The following EFCC1 variants were observed in gnomAD, a reference collection of about 807,000 sequenced individuals.
The protein encoded by EFCC1 is EF-hand and coiled-coil domain-containing protein 1.
In EFCC1, 50 loss-of-function variants were observed where a neutral mutation model predicts 52.1. The ratio of observed to expected loss-of-function variants is 0.96; its 90% CI spans 0.76 to 1.21. The LOEUF is 1.21. Ranked by LOEUF, EFCC1 falls within the 50% of genes most tolerant of loss-of-function variation. The pLI, the probability that EFCC1 is intolerant of heterozygous loss-of-function variation, is 0.00. For synonymous variants in EFCC1, 399 were observed against 396.5 expected, an observed-to-expected ratio of 1.01 and a Z score of -0.08; for missense variants, 837 against 867.3, an observed-to-expected ratio of 0.97 and a Z score of 0.44.
chr3:129,030,499 T>C (rs1238112645), intron 2 of EFCC1: 2 of 459,692 alleles, frequency 4.4e-6, no homozygotes, highest in Non-Finnish European at 7.0e-6. Flanking sequence ...TTGAGTCCCA[T>C]TGGCTAAAAC....
chr3:129,005,424 C>T (rs1945029186), intron 2 of EFCC1, among the ~76,000 whole-genome samples: 1 of 152,244 alleles, frequency 6.6e-6, no homozygotes, highest in Non-Finnish European at 1.5e-5. Context: ...AGGGGTAGAG[C>T]TGAAGGGAGG....
Position 129,014,153 on chromosome 3 carries a change from GC to G in EFCC1, c.980+10079del, listed in dbSNP as rs1477734841. Among the ~76,000 whole-genome samples, 3 of 152,250 alleles carry G rather than the reference GC, an allele frequency of 2.0e-5. No individual in the cohort carries two copies. Among genetic ancestry groups the G allele is most frequent in the African/African-American group, 7.2e-5 (3 of 41,466 alleles). On this transcript the variant is annotated intron_variant, in intron 2 of 7. Coordinates refer to ENST00000683648, the MANE Select transcript of EFCC1 (RefSeq NM_001377500.1). The surrounding 1 kb of genome is among the most constrained non-coding windows in gnomAD (Gnocchi z 4.3). ...AAATTCTGTCAAGTGCCTAGAGAGG[GC>G]CCATGCTGTCCTGGGCATGAGGGAG...
rs190587344 is a variant in EFCC1, at chr3:129,009,108, C to T, written c.980+5031C>T. 2.6e-5 allele frequency among the ~76,000 whole-genome samples: 4 copies of T among 152,290 alleles called. No homozygotes were observed. In the East Asian group the frequency reaches 7.7e-4, roughly 29 times the overall value. Reference sequence around the variant, plus strand: ...AAAATGTCATTCAATCCCTGCCCAACCAAGGTGTTTCAGTGGCACTTCTCC... The same window carrying T: ...AAAATGTCATTCAATCCCTGCCCAATCAAGGTGTTTCAGTGGCACTTCTCC... On this transcript the variant is annotated intron_variant, in intron 2 of 7. Transcript: ENST00000683648.
intron 2 of EFCC1, among the ~76,000 whole-genome samples, chr3:129,009,935 A>G (rs144238008): frequency 4.6e-4 from 70 of 152,280 alleles, no homozygotes; most frequent in African/African-American, 1.6e-3. Context: ...GTGGACAGAA[A>G]AAGATTGTTA....
At chr3:129,013,612 A>G (rs1266842077) in intron 2 of EFCC1, among the ~76,000 whole-genome samples, 1 of 152,182 alleles carries the variant, frequency 6.6e-6, no homozygotes, top group Non-Finnish European at 1.5e-5. Context: ...CTTTCCCAGT[A>G]GTTCCAACAT....
At position 129,014,411 on chromosome 3, in the gene EFCC1, T is replaced by C. The variant is rs899534133; in HGVS notation, c.980+10334T>C. 1.3e-5 allele frequency among the ~76,000 whole-genome samples: 2 copies of C among 152,204 alleles called. No individual in the cohort carries two copies. Among genetic ancestry groups the C allele is most frequent in the Non-Finnish European group, 2.9e-5 (2 of 68,038 alleles). On this transcript the variant is annotated intron_variant, in intron 2 of 7. Coordinates refer to ENST00000683648, the MANE Select transcript of EFCC1 (RefSeq NM_001377500.1). This position sits in a 1 kb window ranked among gnomAD's most constrained non-coding sequence, Gnocchi z 4.3. ...CGCAGCGTTGGCTTCTCCTGCGGCCTCTCTCCTGGGCTGGCAGCCAGGGCC... is the reference window on the plus strand; with the variant it reads ...CGCAGCGTTGGCTTCTCCTGCGGCCCCTCTCCTGGGCTGGCAGCCAGGGCC...
intron 6 of EFCC1, among the ~76,000 whole-genome samples, chr3:129,037,572 A>C (rs997631873): frequency 6.6e-6 from 1 of 152,242 alleles, no homozygotes; most frequent in Non-Finnish European, 1.5e-5. Context: ...CACATTGCAG[A>C]TTAAAGGAGA....
rs1390097030 is a variant in EFCC1, at chr3:129,001,669, G to T, written c.41G>T (p.Gly14Val). ...VSTGAEAGME[G>V]AGGDPYRRPA... ...ACGGGCGCGGAGGCCGGCATGGAGG[G>T]CGCGGGAGGTGACCCGTACCGGCGA... is the stretch of plus-strand genomic sequence containing the variant. The change falls in exon 1 of 8, where the codon GGC (glycine) becomes GTC (valine). Residue 14 changes from glycine to valine, a missense_variant. Gly to Val is a moderately radical substitution (Grantham distance 109). Coordinates refer to ENST00000683648, the MANE Select transcript of EFCC1 (RefSeq NM_001377500.1). 5 of 1,440,282 alleles carry T rather than the reference G, an allele frequency of 3.5e-6. No individual in the cohort carries two copies. The East Asian group carries it at 1.1e-4, about 33-fold the overall frequency. The allele number at this position is 1,440,282 out of a possible 1,614,324, so 89.2% of individuals were successfully genotyped here.
In EFCC1 at chr3:129,002,295, A is replaced by T. The variant is rs1318505581; in HGVS notation, c.667A>T (p.Ser223Cys). Residue 223 changes from serine to cysteine, a missense_variant, in exon 1 of 8, where the codon AGC (serine) becomes TGC (cysteine). By Grantham distance (112) the Ser-to-Cys change is moderately radical. Transcript: ENST00000683648. ...LVEDLRAALQ[S>C]SDARCLALQV... ...GGAGGACCTGCGCGCCGCGCTGCAG[A>T]GCAGTGATGCGCGCTGCCTAGCACT... 1.3e-6 allele frequency: 2 copies of T among 1,526,538 alleles called. No homozygotes were observed. The highest frequency in any genetic ancestry group is 1.7e-6 in the Non-Finnish European group (2 of 1,143,320). The allele number at this position is 1,526,538 out of a possible 1,614,324, so 94.6% of individuals were successfully genotyped here.
At position 129,003,808 on chromosome 3, in the gene EFCC1, G is replaced by C; in HGVS notation, c.711G>C (p.Lys237Asn). The C allele has an allele frequency of 6.8e-7, 1 of 1,462,876 alleles. No homozygotes were observed. Among genetic ancestry groups the C allele is most frequent in the South Asian group, 1.3e-5 (1 of 77,888 alleles). 90.6% of individuals were successfully genotyped at this position (1,462,876 alleles called of 1,614,324 possible). A position where few individuals can be genotyped will look rare whatever the true frequency, so the allele number is the denominator to read the frequency against. The change falls in exon 2 of 8, where the codon AAG (lysine) becomes AAC (asparagine). Residue 237 changes from lysine to asparagine, a missense_variant. Physicochemically the swap from Lys to Asn is moderately conservative, Grantham distance 94. Transcript: ENST00000683648. ...TGTCCCCGCAGGTCGGACTCTGGAAGAGCCAGGCGAGCACCCACGAGATGG... is the reference window on the plus strand; with the variant it reads ...TGTCCCCGCAGGTCGGACTCTGGAACAGCCAGGCGAGCACCCACGAGATGG... ...RCLALQVGLW[K>N]SQASTHEMGH...
In EFCC1 at chr3:129,035,051, A is replaced by G. The variant is rs544830420; in HGVS notation, c.1452+722A>G. 5.6e-4 allele frequency among the ~76,000 whole-genome samples: 85 copies of G among 152,356 alleles called. 1 individual carries two copies. The highest frequency in any genetic ancestry group is 7.2e-4 in the Non-Finnish European group (49 of 68,036). ...CTCCATAGGAAAGTCTCTATTCCAC[A>G]GTAGCCAAGTGTGCAATGCTGTTGA... On this transcript the variant is annotated intron_variant, in intron 5 of 7. Coordinates refer to ENST00000683648, the MANE Select transcript of EFCC1 (RefSeq NM_001377500.1).
chr3:129,033,325 G>A (rs1474579933), intron 4 of EFCC1, among the ~76,000 whole-genome samples: 1 of 152,106 alleles, frequency 6.6e-6, no homozygotes, highest in Non-Finnish European at 1.5e-5. Context: ...CTGGCCCCGG[G>A]CAGGTGCTGG....
intron 2 of EFCC1, among the ~76,000 whole-genome samples, chr3:129,024,546 A>G (rs977241035): frequency 2.0e-5 from 3 of 152,098 alleles, no homozygotes; most frequent in African/African-American, 4.8e-5. Context: ...AAAAGAAAAA[A>G]AAAAAGAAAA....
At chr3:129,015,197 C>A (rs1945517526) in intron 2 of EFCC1, among the ~76,000 whole-genome samples, 1 of 152,182 alleles carries the variant, frequency 6.6e-6, no homozygotes, top group Non-Finnish European at 1.5e-5. Context: ...CACACTGACC[C>A]TCCAGGGCTC....
Position 129,014,044 on chromosome 3 carries a change from G to A in EFCC1, c.980+9967G>A, listed in dbSNP as rs1218339959. 6.6e-6 allele frequency among the ~76,000 whole-genome samples: 1 copy of A among 152,228 alleles called. No homozygotes were observed. Among genetic ancestry groups the A allele is most frequent in the African/African-American group, 2.4e-5 (1 of 41,456 alleles). ...CACCCAAAGTCAGAGACCCAGGAAGGGGCAGACAGAGTCTTCAGGCTCTTC... is the reference window on the plus strand; with the variant it reads ...CACCCAAAGTCAGAGACCCAGGAAGAGGCAGACAGAGTCTTCAGGCTCTTC... On this transcript the variant is annotated intron_variant, in intron 2 of 7. Coordinates refer to ENST00000683648, the MANE Select transcript of EFCC1 (RefSeq NM_001377500.1). The surrounding 1 kb of genome is among the most constrained non-coding windows in gnomAD (Gnocchi z 4.3).
In EFCC1 at chr3:129,034,281, G is replaced by C. The variant is rs556153454; in HGVS notation, c.1404G>C (p.Leu468=). ...GCATTGCCATGCTGGTGGAGCAGCT[G>C]AGGACTCAGGGCTGCGGTGGGAGGA... ...EACIAMLVEQ[L]RTQGCGGRTL... Residue 468 remains leucine, a synonymous_variant, in exon 5 of 8, where the codon CTG becomes CTC. Coordinates refer to ENST00000683648, the MANE Select transcript of EFCC1 (RefSeq NM_001377500.1). 1.2e-6 allele frequency: 2 copies of C among 1,614,066 alleles called. No homozygotes were observed. The highest frequency in any genetic ancestry group is 2.7e-5 in the African/African-American group (2 of 74,918).
At chr3:129,020,172 G>C (rs6789144) in intron 2 of EFCC1, among the ~76,000 whole-genome samples, 2,669 of 152,270 alleles carry the variant, frequency 0.018, 74 homozygotes, top group African/African-American at 0.061. Flanking sequence ...GCATTTATTT[G>C]AGGTTTTAGG....
chr3:129,021,095 CAT>C (rs951576458), intron 2 of EFCC1, among the ~76,000 whole-genome samples: 8 of 152,136 alleles, frequency 5.3e-5, no homozygotes, highest in African/African-American at 1.9e-4. Context: ...GCTCCTGACA[CAT>C]GAGGGGCCCT....
chr3:129,002,004 G>C lies in EFCC1; in HGVS notation c.376G>C (p.Asp126His). The C allele has an allele frequency of 1.3e-6, 2 of 1,545,930 alleles. No homozygotes were observed. Among genetic ancestry groups the C allele is most frequent in the Non-Finnish European group, 8.7e-7 (1 of 1,145,198 alleles). Residue 126 changes from aspartate to histidine, a missense_variant, in exon 1 of 8, where the codon GAT becomes CAT. Transcript: ENST00000683648. The stretch of plus-strand genomic sequence containing the variant: ...GGCCACGGACGGGGACTCAGATACC[G>C]ATGAAGAGGCGCGCCTGGCGCTGCG... ...ELATDGDSDT[D>H]EEARLALRAE...
Sources: gnomAD v4.1 joint callset for allele counts (sites outside exome capture counted in the v4.1 genomes callset) on GRCh38, gnomAD v4.1.1 for gene constraint, Gnocchi (gnomAD v3.1) non-coding constraint, MANE v1.5 for transcripts, NCBI Gene and HGNC (gene_info 2026-07-23, HGNC 2026-07-21) for gene names.